FEZ2: variants seen among roughly 807,000 people sequenced by gnomAD.
FEZ2 encodes fasciculation and elongation protein zeta-2.
In FEZ2, 51 loss-of-function variants were observed where a neutral mutation model predicts 40.4. The observed-to-expected ratio is 1.26, with a 90% CI of 1.01 to 1.59. The LOEUF is 1.59. Among genes scored for constraint, FEZ2 ranks in the 40% most tolerant of loss-of-function variants. FEZ2 has a pLI of 0.00. For missense variants in FEZ2, 640 were observed against 438.3 expected, an observed-to-expected ratio of 1.46 and a Z score of -4.11; for synonymous variants, 242 against 172.0, an observed-to-expected ratio of 1.41 and a Z score of -3.18.
chr2:36,590,967 A>G lies in FEZ2; in HGVS notation c.311T>C (p.Val104Ala). 6.2e-7 allele frequency: 1 copy of G among 1,612,862 alleles called. No homozygotes were observed. Among genetic ancestry groups the G allele is most frequent in the Non-Finnish European group, 8.5e-7 (1 of 1,178,782 alleles). The change falls in exon 2 of 8, where the codon GTA becomes GCA. Residue 104 changes from valine (V) to alanine (A), a missense_variant. Coordinates refer to ENST00000405912, the MANE Select transcript of FEZ2 (RefSeq NM_005102.3). ...LTDNYGNVMP[V>A]DWKSSHTRTL... ...CCTAGTATGCGATGACTTCCAGTCT[A>G]CAGGCATCACATTCCCATAATTATC...
intron 2 of FEZ2, among the ~76,000 whole-genome samples, chr2:36,584,887 C>G (rs1053017196): frequency 1.3e-5 from 2 of 152,160 alleles, no homozygotes; most frequent in African/African-American, 4.8e-5. Context: ...CACTGACTTT[C>G]CAACATTAGG....
At chr2:36,597,266 C>G (rs1669254826) in intron 1 of FEZ2, among the ~76,000 whole-genome samples, 1 of 152,188 alleles carries the variant, frequency 6.6e-6, no homozygotes, top group South Asian at 2.1e-4. Context: ...CAGGCACACT[C>G]CCACTCATCA....
chr2:36,592,751 G>C (rs946781018), intron 1 of FEZ2, among the ~76,000 whole-genome samples: 22 of 152,106 alleles, frequency 1.4e-4, no homozygotes, highest in African/African-American at 5.1e-4. Flanking sequence ...GGAGCTCAAG[G>C]CTGTAGTGAG....
At position 36,583,415 on chromosome 2, in the gene FEZ2, G is replaced by C. The variant is rs748261267; in HGVS notation, c.430C>G (p.Leu144Val). The change falls in exon 3 of 8, where the codon CTG (leucine) becomes GTG (valine). Residue 144 changes from leucine to valine, a missense_variant. Coordinates refer to ENST00000405912, the MANE Select transcript of FEZ2 (RefSeq NM_005102.3). ...GAGACGATGATTGAGTGCATATCCA[G>C]CTGTTCTCTCAGCTCTTCATCATCT... Reference protein sequence around the residue: ...TSDDEELREQLDMHSIIVSCV... With the variant: ...TSDDEELREQVDMHSIIVSCV... The C allele has an allele frequency of 1.9e-6, 3 of 1,610,386 alleles. No homozygotes were observed. The South Asian group carries it at 3.3e-5, about 18-fold the overall frequency.
intron 3 of FEZ2, among the ~76,000 whole-genome samples, chr2:36,582,512 C>G (rs1371377415): frequency 6.6e-6 from 1 of 152,184 alleles, no homozygotes; most frequent in Non-Finnish European, 1.5e-5. Flanking sequence ...AATGAATTCT[C>G]AAGGTCATGT....
rs559546047 is a variant in FEZ2, at chr2:36,586,988, T to C, written c.376-3519A>G. 6.6e-5 allele frequency among the ~76,000 whole-genome samples: 10 copies of C among 152,318 alleles called. No individual in the cohort carries two copies. The South Asian group carries it at 2.1e-3, about 32-fold the overall frequency. On this transcript the variant is annotated intron_variant, in intron 2 of 7. Coordinates refer to ENST00000405912, the MANE Select transcript of FEZ2 (RefSeq NM_005102.3). ...AATTGCTTCTGTGGAAGACATTATC[T>C]TTTTCTTATTTCTACTCTTAAAGGT... is the stretch of plus-strand genomic sequence containing the variant.
chr2:36,560,787 G>C (rs751222555), intron 5 of FEZ2: 6 of 1,594,888 alleles, frequency 3.8e-6, no homozygotes, highest in Admixed American at 1.7e-5. Context: ...CCGAGCACCT[G>C]TTTCTCTCCA....
At chr2:36,590,654 CA>C (rs146856068) in intron 2 of FEZ2, 46,304 of 329,994 alleles carry the variant, frequency 0.14, 3 homozygotes, top group South Asian at 0.2. Flanking sequence ...GAGACTCCGT[CA>C]AAAAAAAAAA....
rs1329089257 is a variant in FEZ2, at chr2:36,552,733, C to CTGGTAGGTAATAG, written c.*429_*430insCTATTACCTACCA. 1.6e-5 allele frequency: 3 copies of CTGGTAGGTAATAG among 190,188 alleles called. No homozygotes were observed. The highest frequency in any genetic ancestry group is 3.3e-5 in the Non-Finnish European group (3 of 91,890). 11.8% of individuals were successfully genotyped at this position (190,188 alleles called of 1,614,324 possible). A position where few individuals can be genotyped will look rare whatever the true frequency, so the allele number is the denominator to read the frequency against. ...ACAATACTGGTAGGTAATAGTTACACTGACAATTCTCACAAAAAAACAGTG... is the reference window on the plus strand; with the variant it reads ...ACAATACTGGTAGGTAATAGTTACACTGGTAGGTAATAGTGACAATTCTCACAAAAAAACAGTG... On this transcript the variant is annotated 3_prime_UTR_variant, in exon 8 of 8. Coordinates refer to ENST00000405912, the MANE Select transcript of FEZ2 (RefSeq NM_005102.3).
intron 5 of FEZ2, among the ~76,000 whole-genome samples, chr2:36,563,406 GCT>G (rs1156516857): frequency 1.3e-5 from 2 of 151,804 alleles, no homozygotes; most frequent in East Asian, 3.9e-4. Context: ...ACTGTCCCCA[GCT>G]CTTTCACTGG....
rs986627256 is a variant in FEZ2, at chr2:36,590,836, T to C, written c.375+67A>G. The C allele has an allele frequency of 7.6e-6, 7 of 925,906 alleles. No homozygotes were observed. The African/African-American group carries it at 9.8e-5, about 13-fold the overall frequency. The allele number at this position is 925,906 out of a possible 1,614,324, so 57.4% of individuals were successfully genotyped here. A position where few individuals can be genotyped will look rare whatever the true frequency, so the allele number is the denominator to read the frequency against. The stretch of plus-strand genomic sequence containing the variant: ...TCAGTGAATCTGTGTTAAGCAGAAA[T>C]GCTACTGTTTTAGTTCTATTATCAG... On this transcript the variant is annotated intron_variant, in intron 2 of 7. Transcript: ENST00000405912.
chr2:36,580,623 G>T (rs554235673), intron 4 of FEZ2, among the ~76,000 whole-genome samples: 1 of 152,128 alleles, frequency 6.6e-6, no homozygotes, highest in African/African-American at 2.4e-5. Context: ...TAACACACAA[G>T]ACTATTTGTA....
chr2:36,582,220 C>G (rs899199749), intron 3 of FEZ2, among the ~76,000 whole-genome samples: 4 of 130,630 alleles, frequency 3.1e-5, no homozygotes, highest in African/African-American at 1.2e-4. Context: ...AAAAAAGGAC[C>G]TAAAGTTAAA....
rs1668749072 is a variant in FEZ2 at position 36,581,580 on chromosome 2, C to T, written c.493-149G>A. The T allele has an allele frequency of 1.7e-5, 11 of 651,124 alleles. No homozygotes were observed. The South Asian group carries it at 2.4e-4, about 14-fold the overall frequency. The allele number at this position is 651,124 out of a possible 1,614,324, so 40.3% of individuals were successfully genotyped here. ...TTCAGGTGTGGATGCTCCAAATAAT[C>T]AAAATTTTTACTGTAGGAGTGAACA... On this transcript the variant is annotated intron_variant, in intron 3 of 7. Coordinates refer to ENST00000405912, the MANE Select transcript of FEZ2 (RefSeq NM_005102.3).
At chr2:36,561,628 T>C (rs1317386457) in intron 5 of FEZ2, 1 of 152,216 alleles carries the variant, frequency 6.6e-6, no homozygotes, top group African/African-American at 2.4e-5. Flanking sequence ...TACAATGTCA[T>C]CAAGCATAGT....
At chr2:36,567,632 GGTGCC>G (rs1176424789) in intron 5 of FEZ2, among the ~76,000 whole-genome samples, 4 of 151,942 alleles carry the variant, frequency 2.6e-5, no homozygotes, top group Non-Finnish European at 5.9e-5. Context: ...CGTGGTGGCG[GGTGCC>G]TGTAATCCCA....
chr2:36,573,627 C>A (rs867440349), intron 5 of FEZ2, among the ~76,000 whole-genome samples: 3 of 152,188 alleles, frequency 2.0e-5, no homozygotes, highest in Admixed American at 6.5e-5. Flanking sequence ...TGTGAATGAG[C>A]CTTTAAAGAG....
chr2:36,588,912 A>T (rs10490669), intron 2 of FEZ2, among the ~76,000 whole-genome samples: 9,552 of 152,134 alleles, frequency 0.063, 972 homozygotes, highest in East Asian at 0.45. Context: ...AATGGGCCTG[A>T]CTTTGAAACT....
intron 5 of FEZ2, among the ~76,000 whole-genome samples, chr2:36,576,290 GA>G (rs1668565837): frequency 2.0e-5 from 3 of 146,854 alleles, no homozygotes; most frequent in Non-Finnish European, 4.5e-5. Flanking sequence ...TTTTTTTTGA[GA>G]CAGAGCCTCG....
Sources: gnomAD v4.1 joint callset for allele counts (sites outside exome capture counted in the v4.1 genomes callset) on GRCh38, gnomAD v4.1.1 for gene constraint, MANE v1.5 for transcripts, NCBI Gene and HGNC (gene_info 2026-07-23, HGNC 2026-07-21) for gene names.